The following PCSK5 variants were observed in gnomAD, a reference collection of about 807,000 sequenced individuals.
PCSK5 encodes prohormone convertase 5.
PCSK5 carries 129 observed loss-of-function variants against 233.2 expected under a neutral mutation model. The observed-to-expected ratio is 0.55, with a 90% CI of 0.48 to 0.64. The LOEUF is 0.64. Among genes scored for constraint, PCSK5 ranks in the 30% least tolerant of loss-of-function variants. PCSK5 has a pLI of 0.00. For missense variants in PCSK5, 2,076 were observed against 2,430.1 expected (o/e 0.85, Z 3.06); for synonymous variants, 825 against 879.2 (o/e 0.94, Z 1.09).
At chr9:75,997,164 T>A (rs1245884616) in intron 3 of PCSK5, among the ~76,000 whole-genome samples, 1 of 152,200 alleles carries the variant, frequency 6.6e-6, no homozygotes, top group African/African-American at 2.4e-5. Flanking sequence ...CATTTACAAA[T>A]TCACAGAACC....
chr9:76,221,388 G>A (rs1017200769), intron 20 of PCSK5, among the ~76,000 whole-genome samples: 4 of 152,172 alleles, frequency 2.6e-5, no homozygotes, highest in East Asian at 3.9e-4. Flanking sequence ...AGCAAATATC[G>A]TAGAAAGAGC....
chr9:76,311,378 A>T (rs2131439709), intron 30 of PCSK5, among the ~76,000 whole-genome samples: 1 of 151,696 alleles, frequency 6.6e-6, no homozygotes, highest in East Asian at 1.9e-4. Context: ...TTATTTTCCC[A>T]CCTTATATTA....
intron 10 of PCSK5, among the ~76,000 whole-genome samples, chr9:76,136,220 G>A (rs1410245045): frequency 3.3e-5 from 5 of 150,824 alleles, no homozygotes; most frequent in Non-Finnish European, 5.9e-5. Context: ...ATAATAAGAT[G>A]ACTTAAGAAA....
intron 24 of PCSK5, among the ~76,000 whole-genome samples, chr9:76,270,481 T>C (rs764207625): frequency 4.6e-5 from 7 of 152,208 alleles, no homozygotes; most frequent in Non-Finnish European, 8.8e-5. Flanking sequence ...GATTGTTCTG[T>C]TTTGCTCCAG....
chr9:75,942,170 C>T (rs1047463928), intron 2 of PCSK5, among the ~76,000 whole-genome samples: 4 of 152,152 alleles, frequency 2.6e-5, no homozygotes, highest in Non-Finnish European at 4.4e-5. Context: ...CAACTGAGGC[C>T]GGCTGTCCTC....
rs985332040 is a variant in PCSK5 at position 76,123,135 on chromosome 9, C to T, written c.1209-10974C>T. 4.6e-5 allele frequency among the ~76,000 whole-genome samples: 7 copies of T among 152,220 alleles called. No homozygotes were observed. In the South Asian group the frequency reaches 1.0e-3, roughly 23 times the overall value. ...CTGGGATTACAGACGTGAGCCACTG[C>T]GCCCGGCCTACTTTTATTTTCTTAA... On this transcript the variant is annotated intron_variant, in intron 9 of 37. Transcript: ENST00000674117.
rs1830417069 is a variant in PCSK5 at position 76,360,657 on chromosome 9, A to G, written c.*1735A>G. 6.6e-6 allele frequency: 1 copy of G among 152,196 alleles called. No individual in the cohort carries two copies. The highest frequency in any genetic ancestry group is 2.1e-4 in the South Asian group (1 of 4,832). The allele number at this position is 152,196 out of a possible 1,614,324, so 9.4% of individuals were successfully genotyped here. A position where few individuals can be genotyped will look rare whatever the true frequency, so the allele number is the denominator to read the frequency against. On this transcript the variant is annotated 3_prime_UTR_variant, in exon 38 of 38. Transcript: ENST00000674117. ...GAAAGCTCTTAAAACAGGGTTGACAAACAGTCTCTGGAAAGAGCCAGCTAG... is the reference window on the plus strand; with the variant it reads ...GAAAGCTCTTAAAACAGGGTTGACAGACAGTCTCTGGAAAGAGCCAGCTAG...
At chr9:76,060,907 G>A (rs1262021375) in intron 5 of PCSK5, among the ~76,000 whole-genome samples, 1 of 152,146 alleles carries the variant, frequency 6.6e-6, no homozygotes, top group Non-Finnish European at 1.5e-5. Context: ...TCTAGTTAAA[G>A]ACTCATTGAA....
chr9:76,321,178 T>G (rs1829190156), intron 30 of PCSK5, among the ~76,000 whole-genome samples: 1 of 152,292 alleles, frequency 6.6e-6, no homozygotes, highest in South Asian at 2.1e-4. Flanking sequence ...CCCAGCTTGA[T>G]TTTTCCCTTT....
At chr9:76,059,995 A>C (rs943477226) in intron 5 of PCSK5, among the ~76,000 whole-genome samples, 13 of 152,310 alleles carry the variant, frequency 8.5e-5, no homozygotes, top group African/African-American at 3.1e-4. Flanking sequence ...TATTTTCTGA[A>C]GACTTTCAAG....
intron 1 of PCSK5, among the ~76,000 whole-genome samples, chr9:75,892,622 A>G (rs1041562457): frequency 2.0e-5 from 3 of 152,162 alleles, no homozygotes; most frequent in African/African-American, 7.2e-5. Context: ...GAGTACGGAC[A>G]GTTTCTGAGG....
rs1325771141 is a variant in PCSK5, at chr9:76,360,084, G to C, written c.*1162G>C. ...GATTGTAACACAGAGAAGGGCTCTTGCTATGCAAAATGATGTTGGCAGGGT... is the reference window on the plus strand; with the variant it reads ...GATTGTAACACAGAGAAGGGCTCTTCCTATGCAAAATGATGTTGGCAGGGT... On this transcript the variant is annotated 3_prime_UTR_variant, in exon 38 of 38. Coordinates refer to ENST00000674117, the MANE Select transcript of PCSK5 (RefSeq NM_001372043.1). 1 of 152,124 alleles carries C rather than the reference G, an allele frequency of 6.6e-6. No homozygotes were observed. The highest frequency in any genetic ancestry group is 2.4e-5 in the African/African-American group (1 of 41,426). The allele number at this position is 152,124 out of a possible 1,614,324, so 9.4% of individuals were successfully genotyped here.
chr9:76,307,659 G>A (rs1187746062), intron 28 of PCSK5, among the ~76,000 whole-genome samples: 1 of 151,946 alleles, frequency 6.6e-6, no homozygotes, highest in African/African-American at 2.4e-5. Context: ...CCTACTTATA[G>A]CCCGACCAAC....
chr9:76,105,409 A>T (rs1181541365), intron 8 of PCSK5, among the ~76,000 whole-genome samples: 2 of 152,222 alleles, frequency 1.3e-5, no homozygotes, highest in Non-Finnish European at 2.9e-5. Flanking sequence ...TTCAGTGGTT[A>T]CAGAGTTTGA....
At chr9:75,979,424 A>G (rs1340500) in intron 2 of PCSK5, among the ~76,000 whole-genome samples, 143,240 of 152,210 alleles carry the variant, frequency 0.94, 67,499 homozygotes, top group African/African-American at 0.97. Context: ...GTGGAGTTGT[A>G]GGGACAAGTT....
At chr9:76,152,049 C>T (rs1247640563) in intron 10 of PCSK5, among the ~76,000 whole-genome samples, 1 of 152,138 alleles carries the variant, frequency 6.6e-6, no homozygotes, top group Non-Finnish European at 1.5e-5. Flanking sequence ...TTATCGGCCA[C>T]GTTTCATATT....
chr9:76,283,834 A>G (rs992475295), intron 24 of PCSK5, among the ~76,000 whole-genome samples: 3 of 152,236 alleles, frequency 2.0e-5, no homozygotes, highest in African/African-American at 7.2e-5. Flanking sequence ...ATTCACATCT[A>G]TATTTCCACT....
intron 35 of PCSK5, among the ~76,000 whole-genome samples, chr9:76,342,507 C>T (rs1829864109): frequency 6.6e-6 from 1 of 152,212 alleles, no homozygotes; most frequent in Non-Finnish European, 1.5e-5. Context: ...AGACCATCAG[C>T]ACGTTTGCTG....
Position 76,189,078 on chromosome 9 carries a change from T to TTGTC in PCSK5, c.2381-14_2381-11dup, listed in dbSNP as rs750723255. 7 of 1,610,826 alleles carry TTGTC rather than the reference T, an allele frequency of 4.3e-6. No homozygotes were observed. The East Asian group carries it at 6.7e-5, about 15-fold the overall frequency. ...AGGTTTTATTTCTCGTTTCCTGTGT[T>TTGTC]TGTCTTGCTTTTAAGGGGCAGGAGC... On this transcript the variant is annotated splice_polypyrimidine_tract_variant and intron_variant, in intron 18 of 37. Coordinates refer to ENST00000674117, the MANE Select transcript of PCSK5 (RefSeq NM_001372043.1).
Sources: gnomAD v4.1 joint callset for allele counts (sites outside exome capture counted in the v4.1 genomes callset) on GRCh38, gnomAD v4.1.1 for gene constraint, MANE v1.5 for transcripts, NCBI Gene and HGNC (gene_info 2026-07-23, HGNC 2026-07-21) for gene names.